The following TECRL variants were observed in gnomAD, a reference collection of about 807,000 sequenced individuals.
The protein encoded by TECRL is trans-2,3-enoyl-CoA reductase like, also known as trans-2,3-enoyl-CoA reductase-like.
In TECRL, 63 loss-of-function variants were observed where a neutral mutation model predicts 52.8. The observed-to-expected ratio is 1.19, with a 90% CI of 0.97 to 1.47. TECRL has a LOEUF of 1.47. Among genes scored for constraint, TECRL ranks in the 40% most tolerant of loss-of-function variants. TECRL has a pLI of 0.00. For synonymous variants in TECRL, 164 were observed against 141.9 expected (o/e 1.16, Z -1.10); for missense variants, 482 against 429.6 (o/e 1.12, Z -1.08).
rs749480777 is a variant in TECRL at position 64,279,847 on chromosome 4, C to T, written c.*225G>A. On this transcript the variant is annotated 3_prime_UTR_variant, in exon 12 of 12. Coordinates refer to ENST00000381210, the MANE Select transcript of TECRL (RefSeq NM_001010874.5). Reference sequence around the variant, plus strand: ...ATTTTATTCAAGGACCAATCCCATGCAAATACATTCAGAGCTGTTCTTAGT... The same window carrying T: ...ATTTTATTCAAGGACCAATCCCATGTAAATACATTCAGAGCTGTTCTTAGT... 7 of 1,062,102 alleles carry T rather than the reference C, an allele frequency of 6.6e-6. No individual in the cohort carries two copies. Among genetic ancestry groups the T allele is most frequent in the Non-Finnish European group, 8.0e-6 (7 of 880,150 alleles). The allele number at this position is 1,062,102 out of a possible 1,614,324, so 65.8% of individuals were successfully genotyped here. A position where few individuals can be genotyped will look rare whatever the true frequency, so the allele number is the denominator to read the frequency against.
chr4:64,291,244 A>G (rs1723367027), intron 8 of TECRL, among the ~76,000 whole-genome samples: 2 of 152,066 alleles, frequency 1.3e-5, no homozygotes, highest in South Asian at 4.1e-4. Context: ...CAATAAAATT[A>G]TTGTGATAAT....
chr4:64,289,598 T>C, intron 9 of TECRL, 112 bp downstream of exon 9: 2 of 820,238 alleles, frequency 2.4e-6, no homozygotes, highest in Non-Finnish European at 3.7e-6. Flanking sequence ...ATGTGGCACA[T>C]GTATTTCCAA....
Position 64,302,824 on chromosome 4 carries a change from T to G in TECRL, c.730+2342A>C, listed in dbSNP as rs1389470869. 2.6e-5 allele frequency among the ~76,000 whole-genome samples: 4 copies of G among 151,438 alleles called. No homozygotes were observed. In the East Asian group the frequency reaches 7.7e-4, roughly 29 times the overall value. On this transcript the variant is annotated intron_variant, in intron 7 of 11. Coordinates refer to ENST00000381210, the MANE Select transcript of TECRL (RefSeq NM_001010874.5). Reference sequence around the variant, plus strand: ...ATCTTCCTTAAATATGATTATTTATTAAGATTATACCTGCTTTGCTGAAAA... The same window carrying G: ...ATCTTCCTTAAATATGATTATTTATGAAGATTATACCTGCTTTGCTGAAAA...
intron 1 of TECRL, among the ~76,000 whole-genome samples, chr4:64,376,281 T>G (rs73821153): frequency 0.029 from 4,360 of 151,890 alleles, 200 homozygotes; most frequent in African/African-American, 0.097. Context: ...TGTATATGAT[T>G]TACTAAATAA....
chr4:64,296,323 C>G (rs750449837), intron 8 of TECRL, among the ~76,000 whole-genome samples: 4 of 151,792 alleles, frequency 2.6e-5, no homozygotes, highest in Admixed American at 6.6e-5. Flanking sequence ...ACCCGAGGTT[C>G]TTTTCAGCTA....
At chr4:64,292,051 A>C (rs1405553090) in intron 8 of TECRL, among the ~76,000 whole-genome samples, 1 of 152,012 alleles carries the variant, frequency 6.6e-6, no homozygotes, top group African/African-American at 2.4e-5. Flanking sequence ...ACAGTTTGCG[A>C]TGCTAACTGA....
At chr4:64,337,005 C>G (rs1305969615) in intron 2 of TECRL, among the ~76,000 whole-genome samples, 1 of 152,080 alleles carries the variant, frequency 6.6e-6, no homozygotes, top group African/African-American at 2.4e-5. Flanking sequence ...GTGGAGAGTT[C>G]TGTAGCTGTC....
At chr4:64,323,848 AG>A (rs780467155) in intron 3 of TECRL, among the ~76,000 whole-genome samples, 1 of 152,210 alleles carries the variant, frequency 6.6e-6, no homozygotes, top group Non-Finnish European at 1.5e-5. Context: ...CTACAGAAAA[AG>A]CAAGATCTGA....
At chr4:64,304,285 G>A (rs965297683) in intron 7 of TECRL, among the ~76,000 whole-genome samples, 1 of 151,844 alleles carries the variant, frequency 6.6e-6, no homozygotes, top group African/African-American at 2.4e-5. Context: ...ATAGTTAATT[G>A]TTAGTATTAA....
At chr4:64,404,067 A>G (rs1724547333) in intron 1 of TECRL, among the ~76,000 whole-genome samples, 1 of 152,042 alleles carries the variant, frequency 6.6e-6, no homozygotes, top group African/African-American at 2.4e-5. Context: ...CTAAGGTTAC[A>G]AAGGTATAAT....
intron 2 of TECRL, among the ~76,000 whole-genome samples, chr4:64,367,421 T>C (rs1302817478): frequency 6.6e-6 from 1 of 152,116 alleles, no homozygotes; most frequent in Admixed American, 6.6e-5. Context: ...TTCTTATAAT[T>C]TTAAAACTAA....
At chr4:64,343,564 A>C (rs1719732420) in intron 2 of TECRL, among the ~76,000 whole-genome samples, 1 of 151,850 alleles carries the variant, frequency 6.6e-6, no homozygotes, top group Non-Finnish European at 1.5e-5. Context: ...TGTCACTAAG[A>C]TAAACATGCA....
intron 1 of TECRL, among the ~76,000 whole-genome samples, chr4:64,384,763 G>A (rs1723058980): frequency 6.6e-6 from 1 of 152,124 alleles, no homozygotes; most frequent in Non-Finnish European, 1.5e-5. Context: ...ATAGGGCCCT[G>A]ACAGCATGAA....
chr4:64,277,151 CA>C (rs760996080), downstream of TECRL: 40 of 791,736 alleles, frequency 5.1e-5, no homozygotes, highest in Admixed American at 6.6e-4. Flanking sequence ...ATAACTGATA[CA>C]AAAAAAGTAT....
chr4:64,376,111 T>A (rs1250169239), intron 1 of TECRL, among the ~76,000 whole-genome samples: 1 of 151,932 alleles, frequency 6.6e-6, no homozygotes, highest in South Asian at 2.1e-4. Flanking sequence ...TGTTGGTGCA[T>A]AATAGTCCAT....
At chr4:64,305,140 G>T (rs371425694) in intron 7 of TECRL, 26 bp downstream of exon 7, 2 of 1,564,104 alleles carry the variant, frequency 1.3e-6, no homozygotes, top group African/African-American at 2.7e-5. Flanking sequence ...TTAGTATACG[G>T]TTAGTTAAGA....
chr4:64,408,670 G>C (rs1465606280), intron 1 of TECRL, among the ~76,000 whole-genome samples: 2 of 151,956 alleles, frequency 1.3e-5, no homozygotes, highest in Non-Finnish European at 2.9e-5. Context: ...AATTTTTTCA[G>C]ACATATTACA....
intron 1 of TECRL, among the ~76,000 whole-genome samples, chr4:64,386,482 G>C (rs1577975245): frequency 6.6e-6 from 1 of 152,064 alleles, no homozygotes; most frequent in East Asian, 1.9e-4. Flanking sequence ...TCAAACCAAT[G>C]GTGTTCATGA....
At chr4:64,360,889 A>G (rs1721142590) in intron 2 of TECRL, among the ~76,000 whole-genome samples, 1 of 152,128 alleles carries the variant, frequency 6.6e-6, no homozygotes, top group African/African-American at 2.4e-5. Context: ...CAGAGACAGA[A>G]CTCCAGCCTG....
Sources: allele counts gnomAD v4.1 joint callset (sites outside exome capture counted in the v4.1 genomes callset), GRCh38; gene constraint gnomAD v4.1.1; transcripts MANE v1.5; gene names NCBI Gene and HGNC (gene_info 2026-07-23, HGNC 2026-07-21).